MYOF: variants seen among roughly 807,000 people sequenced by gnomAD.
The protein encoded by MYOF is myoferlin.
A neutral mutation model predicts 284.2 loss-of-function variants in MYOF; 244 were observed. The ratio of observed to expected loss-of-function variants is 0.86; its 90% confidence interval spans 0.77 to 0.95. The LOEUF is 0.95. Ranked by LOEUF, MYOF falls within the 40% of genes least tolerant of loss-of-function variation. The probability of loss-of-function intolerance (pLI) is 0.00; values close to 1 mark genes in which losing one functional copy is unlikely to be tolerated. For missense variants in MYOF, 2,496 were observed against 2,560.6 expected (o/e 0.97, Z 0.54); for synonymous variants, 904 against 919.7 (o/e 0.98, Z 0.31).
At chr10:93,426,880 C>T (rs1202825013) in intron 4 of MYOF, among the ~76,000 whole-genome samples, 3 of 118,336 alleles carry the variant, frequency 2.5e-5, no homozygotes, top group African/African-American at 8.2e-5. Context: ...AAGAACGAGA[C>T]TGTCTTTTTT....
chr10:93,315,821 TG>T (rs1209049175), intron 50 of MYOF, among the ~76,000 whole-genome samples: 2 of 151,948 alleles, frequency 1.3e-5, no homozygotes, highest in Non-Finnish European at 2.9e-5. Context: ...AGGGAAGGCC[TG>T]TATTCAAAAA....
chr10:93,392,654 C>T (rs1353435727), intron 17 of MYOF, among the ~76,000 whole-genome samples: 1 of 152,174 alleles, frequency 6.6e-6, no homozygotes, highest in Non-Finnish European at 1.5e-5. Context: ...ATCTCACAAT[C>T]AATTATTTGC....
Position 93,325,914 on chromosome 10 carries a change from G to A in MYOF, c.5183C>T (p.Ala1728Val). Residue 1728 changes from alanine (A) to valine (V), a missense_variant, in exon 46 of 54, where the codon GCT becomes GTT. By Grantham distance (64) the Ala-to-Val change is moderately conservative. Transcript: ENST00000359263. ...CCCCTGAGTCCTGAGGATGTGAAGA[G>A]CAAGCCGCTCTTCAGGGGCCCCGAG... The part of the protein sequence containing the change: ...QHLGAPEERL[A>V]LHILRTQGLV... 2 of 1,614,130 alleles carry A rather than the reference G, an allele frequency of 1.2e-6. No homozygotes were observed. The highest frequency in any genetic ancestry group is 1.3e-5 in the African/African-American group (1 of 75,022).
chr10:93,468,464 G>A (rs1395849972), intron 1 of MYOF, among the ~76,000 whole-genome samples: 1 of 152,234 alleles, frequency 6.6e-6, no homozygotes, highest in Non-Finnish European at 1.5e-5. Context: ...CTTCCTTCAG[G>A]CAAGCTTTGG....
At chr10:93,332,923 G>A (rs1038301269) in intron 43 of MYOF, among the ~76,000 whole-genome samples, 3 of 152,096 alleles carry the variant, frequency 2.0e-5, no homozygotes, top group African/African-American at 7.2e-5. Flanking sequence ...AAACAGCTCC[G>A]CAGACAGCCA....
In MYOF at chr10:93,401,159, T is replaced by C. The variant is rs1589508673; in HGVS notation, c.1117+259A>G. On this transcript the variant is annotated intron_variant, in intron 12 of 53. Coordinates refer to ENST00000359263, the MANE Select transcript of MYOF (RefSeq NM_013451.4). ...AGCATCCTCTAGAATAAAGAGAAGA[T>C]ATAGAATAGCAAGAGAGAGAGTCAA... Among the ~76,000 whole-genome samples, 10 of 152,110 alleles carry C rather than the reference T, an allele frequency of 6.6e-5. No individual in the cohort carries two copies. In the South Asian group the frequency reaches 2.1e-3, roughly 32 times the overall value.
chr10:93,435,069 T>C (rs905150467), intron 3 of MYOF, among the ~76,000 whole-genome samples: 1 of 152,244 alleles, frequency 6.6e-6, no homozygotes, highest in Non-Finnish European at 1.5e-5. Context: ...CCAACTGGTA[T>C]TAAATGTCTA....
intron 32 of MYOF, among the ~76,000 whole-genome samples, chr10:93,352,900 A>G (rs552463385): frequency 6.6e-6 from 1 of 152,334 alleles, no homozygotes; most frequent in East Asian, 1.9e-4. Context: ...GATAACCTTG[A>G]ATCTGCTCAA....
chr10:93,308,158 G>A (rs787792), intron 53 of MYOF, among the ~76,000 whole-genome samples: 9 of 151,370 alleles, frequency 5.9e-5, no homozygotes, highest in East Asian at 4.0e-4. Context: ...CTGGAGAATC[G>A]CTTGAACCTG....
chr10:93,324,579 G>A (rs1251978815), intron 46 of MYOF: 1 of 152,196 alleles, frequency 6.6e-6, no homozygotes. Context: ...TAAGGGGTGA[G>A]AGGAGAGAAA....
intron 46 of MYOF, chr10:93,324,710 T>C (rs1448376538): frequency 6.6e-6 from 1 of 152,204 alleles, no homozygotes; most frequent in Non-Finnish European, 1.5e-5. Flanking sequence ...GCCAACCCTT[T>C]TGCAATCAGC....
intron 43 of MYOF, among the ~76,000 whole-genome samples, chr10:93,331,756 T>C (rs944484050): frequency 4.6e-5 from 7 of 151,612 alleles, no homozygotes; most frequent in African/African-American, 1.5e-4. Context: ...GTGTGACACA[T>C]GACAGAGAAA....
intron 19 of MYOF, among the ~76,000 whole-genome samples, chr10:93,387,065 G>A (rs767151119): frequency 3.3e-5 from 5 of 152,190 alleles, no homozygotes; most frequent in Non-Finnish European, 7.3e-5. Flanking sequence ...TCGCAACCAC[G>A]TTGTCACCCT....
intron 1 of MYOF, 146 bp downstream of exon 1, chr10:93,481,961 C>T (rs2057388043): frequency 1.4e-6 from 1 of 693,236 alleles, no homozygotes; most frequent in Non-Finnish European, 2.4e-6. Context: ...AGAAACGGGT[C>T]CTCTCCCCTG....
chr10:93,325,102 A>T (rs1842986499), intron 46 of MYOF, among the ~76,000 whole-genome samples: 1 of 152,170 alleles, frequency 6.6e-6, no homozygotes, highest in Non-Finnish European at 1.5e-5. Context: ...TTAAAGTGTG[A>T]TCAGAACCTC....
chr10:93,408,138 G>T (rs1847704818), intron 7 of MYOF, among the ~76,000 whole-genome samples: 1 of 152,138 alleles, frequency 6.6e-6, no homozygotes, highest in South Asian at 2.1e-4. Flanking sequence ...CCTCTTGAGT[G>T]TTGGGATTAC....
chr10:93,480,698 A>G (rs1589631681), intron 1 of MYOF, among the ~76,000 whole-genome samples: 1 of 151,358 alleles, frequency 6.6e-6, no homozygotes, highest in African/African-American at 2.4e-5. Context: ...CTGGTCTCGA[A>G]CTCCTGCCCT....
chr10:93,466,700 C>T (rs1180538314), intron 1 of MYOF, among the ~76,000 whole-genome samples: 4 of 152,124 alleles, frequency 2.6e-5, no homozygotes, highest in Admixed American at 1.3e-4. Context: ...GGAGGCTGGG[C>T]GCAGTGCTCA....
At chr10:93,382,380 G>A (rs1230688386) in intron 19 of MYOF, among the ~76,000 whole-genome samples, 1 of 152,080 alleles carries the variant, frequency 6.6e-6, no homozygotes, top group Non-Finnish European at 1.5e-5. Flanking sequence ...CTACAGGTGC[G>A]TGCCACTGCA....
Sources: allele counts gnomAD v4.1 joint callset (sites outside exome capture counted in the v4.1 genomes callset), GRCh38; gene constraint gnomAD v4.1.1; transcripts MANE v1.5; gene names NCBI Gene and HGNC (gene_info 2026-07-23, HGNC 2026-07-21).